Variants in SPECC1 observed in about 807,000 individuals in gnomAD.
SPECC1 encodes the protein sperm antigen with calponin homology and coiled-coil domains 1, also known as cytospin-B.
A neutral mutation model predicts 104.1 loss-of-function variants in SPECC1; 62 were observed. The ratio of observed to expected loss-of-function variants is 0.60; its 90% CI spans 0.49 to 0.74. The LOEUF is 0.74. Ranked by LOEUF, SPECC1 falls within the 30% of genes least tolerant of loss-of-function variation. The pLI is 0.00. For synonymous variants in SPECC1, 513 were observed against 501.6 expected, an observed-to-expected ratio of 1.02 and a Z score of -0.30; for missense variants, 1,306 against 1,310.5, an observed-to-expected ratio of 1.00 and a Z score of 0.05.
Position 20,260,250 on chromosome 17 carries a change from A to C in SPECC1, c.2896A>C (p.Asn966His). The C allele has an allele frequency of 6.2e-7, 1 of 1,614,114 alleles. No individual in the cohort carries two copies. Among genetic ancestry groups the C allele is most frequent in the Non-Finnish European group, 8.5e-7 (1 of 1,179,964 alleles). The change falls in exon 12 of 15, where the codon AAT (asparagine) becomes CAT (histidine). Residue 966 changes from asparagine to histidine, a missense_variant. By Grantham distance (68) the Asn-to-His change is moderately conservative. Around this residue, in one of 2 missense-constraint regions of SPECC1, gnomAD observed 129 missense variants for 170.6 expected, o/e 0.76. Coordinates refer to ENST00000395527, the MANE Select transcript of SPECC1 (RefSeq NM_001243439.2). ...LAREYGGSKR[N>H]ALLKWCQKKT... ...CCGGGAATACGGTGGTTCCAAGCGC[A>C]ATGCTCTACTGAAATGGTGCCAGAA...
chr17:20,147,622 A>G (rs1005038488), intron 3 of SPECC1, among the ~76,000 whole-genome samples: 1 of 152,184 alleles, frequency 6.6e-6, no homozygotes, highest in Non-Finnish European at 1.5e-5. Context: ...TGAGTTGGAA[A>G]CTATTGAAAC....
intron 2 of SPECC1, among the ~76,000 whole-genome samples, chr17:20,107,165 A>AG (rs1343543660): frequency 1.2e-4 from 18 of 148,784 alleles, no homozygotes; most frequent in African/African-American, 4.2e-4. Flanking sequence ...AAAAAAAAAA[A>AG]AAAAGAAAAG....
chr17:20,072,607 G>T (rs1480972312), intron 1 of SPECC1, among the ~76,000 whole-genome samples: 1 of 152,242 alleles, frequency 6.6e-6, no homozygotes, highest in Non-Finnish European at 1.5e-5. Context: ...GGCCGGCTCT[G>T]AACTCCTTAC....
chr17:20,038,943 T>TA (rs1280571002), intron 1 of SPECC1, among the ~76,000 whole-genome samples: 10 of 152,216 alleles, frequency 6.6e-5, no homozygotes, highest in Non-Finnish European at 1.0e-4. Context: ...TAAAAAGCGT[T>TA]AGATATAATC....
chr17:20,066,790 A>G (rs2046371786), intron 1 of SPECC1, among the ~76,000 whole-genome samples: 2 of 152,040 alleles, frequency 1.3e-5, no homozygotes, highest in African/African-American at 2.4e-5. Flanking sequence ...CCAGGCTGGA[A>G]TGCAGTGGCA....
At chr17:20,042,297 C>T (rs971347541) in intron 1 of SPECC1, among the ~76,000 whole-genome samples, 1 of 151,338 alleles carries the variant, frequency 6.6e-6, no homozygotes. Flanking sequence ...CTGATACCTC[C>T]CTGGCTAGGA....
chr17:20,213,105 TC>T (rs1485661169), intron 4 of SPECC1, among the ~76,000 whole-genome samples: 1 of 151,864 alleles, frequency 6.6e-6, no homozygotes, highest in Non-Finnish European at 1.5e-5. Flanking sequence ...TTTTTTCTTT[TC>T]TTTTTTTTTG....
chr17:20,185,376 C>G (rs1290763395), intron 3 of SPECC1, among the ~76,000 whole-genome samples: 2 of 152,186 alleles, frequency 1.3e-5, no homozygotes, highest in African/African-American at 4.8e-5. Flanking sequence ...TTTGCGGGGG[C>G]ACTTGTGCTT....
chr17:20,082,695 A>G (rs980902987), intron 1 of SPECC1, among the ~76,000 whole-genome samples: 2 of 152,168 alleles, frequency 1.3e-5, no homozygotes, highest in Non-Finnish European at 2.9e-5. Context: ...TATGGACATC[A>G]GTCATACTGG....
At chr17:20,070,104 C>G (rs1163653118) in intron 1 of SPECC1, among the ~76,000 whole-genome samples, 1 of 152,106 alleles carries the variant, frequency 6.6e-6, no homozygotes, top group Non-Finnish European at 1.5e-5. Context: ...CATTTTCTTT[C>G]TTTTTCTTGC....
In SPECC1 at chr17:20,211,177, T is replaced by A. The variant is rs567100093; in HGVS notation, c.1863+5265T>A. On this transcript the variant is annotated intron_variant, in intron 4 of 14. Transcript: ENST00000395527. ...AAGCTGAGGGAACCTGCTGCCTGAG[T>A]AGCCACTGGCTGCTGCTGGAGAGGT... 2.6e-5 allele frequency among the ~76,000 whole-genome samples: 4 copies of A among 152,334 alleles called. No individual in the cohort carries two copies. In the South Asian group the frequency reaches 8.3e-4, roughly 32 times the overall value.
intron 1 of SPECC1, among the ~76,000 whole-genome samples, chr17:20,027,066 G>A (rs1006861534): frequency 6.6e-6 from 1 of 151,924 alleles, no homozygotes; most frequent in African/African-American, 2.4e-5. Flanking sequence ...ATACTTGTTG[G>A]CTATTTTATA....
At chr17:20,227,646 G>A in intron 5 of SPECC1, 26 bp downstream of exon 5, 2 of 1,604,144 alleles carry the variant, frequency 1.2e-6, no homozygotes, top group Non-Finnish European at 1.7e-6. Flanking sequence ...CAGGCATGGT[G>A]GCTCACACCT....
At chr17:20,289,584 G>A (rs1013160241) in intron 12 of SPECC1, among the ~76,000 whole-genome samples, 1 of 152,190 alleles carries the variant, frequency 6.6e-6, no homozygotes, top group Non-Finnish European at 1.5e-5. Context: ...GGATTAACAA[G>A]CGTGAGCTAC....
intron 12 of SPECC1, among the ~76,000 whole-genome samples, chr17:20,293,224 TTA>T (rs1185850405): frequency 6.6e-6 from 1 of 151,794 alleles, no homozygotes; most frequent in South Asian, 2.1e-4. Flanking sequence ...TTGCCTAAGA[TTA>T]TTTGCTTCCA....
chr17:20,067,878 C>T (rs1169076529), intron 1 of SPECC1, among the ~76,000 whole-genome samples: 2 of 152,214 alleles, frequency 1.3e-5, no homozygotes, highest in Non-Finnish European at 2.9e-5. Context: ...CGCTCCTTCC[C>T]TCATCCTGTG....
intron 7 of SPECC1, among the ~76,000 whole-genome samples, chr17:20,240,060 A>AAT (rs1346205628): frequency 2.2e-4 from 7 of 32,198 alleles, no homozygotes; most frequent in Non-Finnish European, 3.6e-4. Flanking sequence ...TGTCCAGCTA[A>AAT]TTTTTTTTTT....
At chr17:20,310,610 G>A (rs116927228) in intron 14 of SPECC1, among the ~76,000 whole-genome samples, 17 of 152,294 alleles carry the variant, frequency 1.1e-4, no homozygotes, top group African/African-American at 2.9e-4. Context: ...TCATAAAAAC[G>A]GCCAAAACAT....
intron 4 of SPECC1, among the ~76,000 whole-genome samples, chr17:20,214,047 C>T (rs963890641): frequency 3.9e-5 from 6 of 152,154 alleles, no homozygotes; most frequent in African/African-American, 1.4e-4. Context: ...CCTCCAAGAC[C>T]GCCTCCCTCC....
Sources: gnomAD v4.1 joint callset for allele counts (sites outside exome capture counted in the v4.1 genomes callset) on GRCh38, gnomAD v4.1.1 for gene constraint, gnomAD v4.1.1 regional missense constraint, MANE v1.5 for transcripts, NCBI Gene and HGNC (gene_info 2026-07-23, HGNC 2026-07-21) for gene names.